The following DPP10 variants were observed in gnomAD, a reference collection of about 807,000 sequenced individuals.
DPP10 encodes the protein dipeptidyl peptidase like 10.
In DPP10, 33 loss-of-function variants were observed where a neutral mutation model predicts 120.9. The ratio of observed to expected loss-of-function variants is 0.27; its 90% CI spans 0.21 to 0.37. The LOEUF (loss-of-function observed/expected upper bound fraction) is 0.37. Ranked by LOEUF, DPP10 falls within the 10% of genes least tolerant of loss-of-function variation. The probability of loss-of-function intolerance (pLI) is 1.00; values close to 1 mark genes in which losing one functional copy is unlikely to be tolerated. For synonymous variants in DPP10, 337 were observed against 326.1 expected (o/e 1.03, Z -0.36); for missense variants, 816 against 942.8 (o/e 0.87, Z 1.76).
intron 1 of DPP10, among the ~76,000 whole-genome samples, chr2:115,179,946 C>A (rs183506412): frequency 2.3e-4 from 35 of 152,264 alleles, no homozygotes; most frequent in African/African-American, 7.7e-4. Flanking sequence ...TTTTAAGATT[C>A]TGTAGAGATT....
intron 1 of DPP10, among the ~76,000 whole-genome samples, chr2:114,909,762 G>C (rs1241243670): frequency 6.6e-6 from 1 of 151,944 alleles, no homozygotes; most frequent in African/African-American, 2.4e-5. Flanking sequence ...AGTGTACCCA[G>C]GTATCTGGAA....
At chr2:115,754,688 T>C (rs960382210) in intron 11 of DPP10, among the ~76,000 whole-genome samples, 4 of 152,124 alleles carry the variant, frequency 2.6e-5, no homozygotes, top group Non-Finnish European at 4.4e-5. Context: ...GTCAATCATA[T>C]GATCAATACT....
At chr2:114,679,962 C>T (rs1203668526) in intron 1 of DPP10, among the ~76,000 whole-genome samples, 1 of 152,016 alleles carries the variant, frequency 6.6e-6, no homozygotes, top group Admixed American at 6.6e-5. Flanking sequence ...TTCTGCAAGT[C>T]ATGACAGGAT....
intron 1 of DPP10, among the ~76,000 whole-genome samples, chr2:114,687,105 CATAT>C (rs1699423384): frequency 6.6e-6 from 1 of 151,906 alleles, no homozygotes; most frequent in East Asian, 1.9e-4. Context: ...GTGGAATCCC[CATAT>C]ATCTGTTACT....
chr2:114,742,947 A>T (rs1678209748), intron 1 of DPP10, among the ~76,000 whole-genome samples: 1 of 152,202 alleles, frequency 6.6e-6, no homozygotes, highest in Non-Finnish European at 1.5e-5. Flanking sequence ...ACACATTTGA[A>T]TTTTTTGACA....
At chr2:115,654,985 A>G (rs932419821) in intron 5 of DPP10, among the ~76,000 whole-genome samples, 10 of 151,628 alleles carry the variant, frequency 6.6e-5, no homozygotes, top group Admixed American at 2.6e-4. Flanking sequence ...AAAATTCTAC[A>G]CTTATTTTCT....
intron 1 of DPP10, among the ~76,000 whole-genome samples, chr2:114,511,798 C>T (rs1336972163): frequency 6.6e-6 from 1 of 152,180 alleles, no homozygotes; most frequent in Admixed American, 6.5e-5. Context: ...ACAAAGTGAT[C>T]CTGAACTAAC....
intron 1 of DPP10, among the ~76,000 whole-genome samples, chr2:114,723,878 A>G (rs1461247016): frequency 6.6e-6 from 1 of 152,220 alleles, no homozygotes; most frequent in Non-Finnish European, 1.5e-5. Context: ...CACAACAATA[A>G]TGTTAGTAAT....
chr2:114,454,423 G>A (rs901827857), intron 1 of DPP10, among the ~76,000 whole-genome samples: 1 of 152,160 alleles, frequency 6.6e-6, no homozygotes, highest in Non-Finnish European at 1.5e-5. Context: ...CAGACTGTAA[G>A]AGGTGGAGAT....
intron 5 of DPP10, among the ~76,000 whole-genome samples, chr2:115,540,945 C>G (rs2079135847): frequency 6.6e-6 from 1 of 151,710 alleles, no homozygotes; most frequent in South Asian, 2.1e-4. Context: ...GCCATGAGAA[C>G]AATTAATGGC....
intron 5 of DPP10, among the ~76,000 whole-genome samples, chr2:115,585,343 A>C (rs1280230019): frequency 6.6e-6 from 1 of 152,230 alleles, no homozygotes; most frequent in Non-Finnish European, 1.5e-5. Flanking sequence ...AGATAATGGC[A>C]TGTTGAAGAC....
At chr2:114,522,519 T>A (rs1685157299) in intron 1 of DPP10, among the ~76,000 whole-genome samples, 1 of 152,186 alleles carries the variant, frequency 6.6e-6, no homozygotes. Flanking sequence ...CTCTGGGAAT[T>A]ATGATAATAG....
intron 1 of DPP10, among the ~76,000 whole-genome samples, chr2:114,927,771 A>C (rs1240954991): frequency 6.6e-6 from 1 of 152,200 alleles, no homozygotes; most frequent in Non-Finnish European, 1.5e-5. Context: ...TATTTGGCTA[A>C]TGGTTCTGCA....
intron 1 of DPP10, among the ~76,000 whole-genome samples, chr2:114,590,874 T>C (rs1691404691): frequency 6.6e-6 from 1 of 152,230 alleles, no homozygotes; most frequent in Admixed American, 6.5e-5. Flanking sequence ...AATGGCTGTA[T>C]TTAACAATTA....
intron 3 of DPP10, among the ~76,000 whole-genome samples, chr2:115,361,767 C>G (rs6759309): frequency 4.9e-4 from 74 of 152,068 alleles, no homozygotes; most frequent in African/African-American, 1.3e-3. Flanking sequence ...GCAGCTTCCT[C>G]CCTCTTCATC....
At chr2:115,312,549 A>G (rs979486516) in intron 2 of DPP10, among the ~76,000 whole-genome samples, 1 of 152,222 alleles carries the variant, frequency 6.6e-6, no homozygotes, top group South Asian at 2.1e-4. Context: ...TGAGAACAAG[A>G]ATATCCATCA....
chr2:114,957,136 A>T (rs1698275355), intron 1 of DPP10, among the ~76,000 whole-genome samples: 2 of 151,998 alleles, frequency 1.3e-5, no homozygotes, highest in Admixed American at 1.3e-4. Flanking sequence ...TAGAGTGAAA[A>T]AACAACCCAG....
At chr2:114,634,875 T>C (rs950258673) in intron 1 of DPP10, among the ~76,000 whole-genome samples, 17 of 151,988 alleles carry the variant, frequency 1.1e-4, no homozygotes, top group Admixed American at 6.5e-4. Context: ...CTATGTTATT[T>C]AGTAAGATTA....
intron 3 of DPP10, among the ~76,000 whole-genome samples, chr2:115,483,913 T>C (rs6707490): frequency 0.14 from 21,133 of 151,878 alleles, 3,234 homozygotes; most frequent in African/African-American, 0.37. Flanking sequence ...CTCAGTAAAA[T>C]AAATCTCTGA....
Sources: gnomAD v4.1 joint callset for allele counts (sites outside exome capture counted in the v4.1 genomes callset) on GRCh38, gnomAD v4.1.1 for gene constraint, MANE v1.5 for transcripts, NCBI Gene and HGNC (gene_info 2026-07-23, HGNC 2026-07-21) for gene names.